Variants in MAPKAP1 observed in about 807,000 individuals in gnomAD.
MAPKAP1 encodes the protein MAPK associated protein 1, also known as target of rapamycin complex 2 subunit MAPKAP1.
Under a neutral mutation model 65.7 loss-of-function variants are expected in MAPKAP1, and 20 were observed. That is an observed-to-expected ratio of 0.30 (90% confidence interval 0.21 to 0.44). The LOEUF is 0.44. Among genes scored for constraint, MAPKAP1 ranks in the 20% least tolerant of loss-of-function variants. The pLI is 1.00. For missense variants in MAPKAP1, 423 were observed against 648.0 expected (o/e 0.65, Z 3.77); for synonymous variants, 222 against 244.3 (o/e 0.91, Z 0.85).
intron 4 of MAPKAP1, among the ~76,000 whole-genome samples, chr9:125,657,406 AAG>A (rs1284051645): frequency 6.6e-6 from 1 of 152,122 alleles, no homozygotes; most frequent in Non-Finnish European, 1.5e-5. Context: ...TACACAGAGA[AAG>A]AGAGAATGAA....
intron 5 of MAPKAP1, among the ~76,000 whole-genome samples, chr9:125,564,806 G>C (rs1366441203): frequency 5.3e-5 from 8 of 152,162 alleles, no homozygotes; most frequent in Non-Finnish European, 1.2e-4. Flanking sequence ...CACAGTAGCA[G>C]GGCAGACAGT....
chr9:125,512,595 CTTTT>C (rs1829334011), intron 7 of MAPKAP1, among the ~76,000 whole-genome samples: 2 of 149,446 alleles, frequency 1.3e-5, no homozygotes, highest in East Asian at 3.9e-4. Flanking sequence ...TTTTTTGTTT[CTTTT>C]GAGATGGAGT....
intron 5 of MAPKAP1, among the ~76,000 whole-genome samples, chr9:125,572,544 T>C (rs945647171): frequency 2.0e-5 from 3 of 152,232 alleles, no homozygotes; most frequent in Admixed American, 6.5e-5. Context: ...AATTCTAGCC[T>C]CATTAGTTGT....
intron 8 of MAPKAP1, among the ~76,000 whole-genome samples, chr9:125,505,241 C>T (rs952520030): frequency 3.3e-5 from 5 of 152,050 alleles, no homozygotes; most frequent in African/African-American, 9.7e-5. Flanking sequence ...ACCATAGAAA[C>T]GGTGAAACCC....
chr9:125,636,318 A>C (rs1392334345), intron 4 of MAPKAP1, among the ~76,000 whole-genome samples: 1 of 152,260 alleles, frequency 6.6e-6, no homozygotes, highest in Non-Finnish European at 1.5e-5. Flanking sequence ...GAAAAAAAAT[A>C]AAACTGAAAG....
intron 7 of MAPKAP1, among the ~76,000 whole-genome samples, chr9:125,534,755 C>T (rs182177349): frequency 9.7e-4 from 147 of 151,616 alleles, no homozygotes; most frequent in African/African-American, 3.5e-3. Flanking sequence ...TGACCTAGCC[C>T]CTGACGACCA....
chr9:125,501,588 T>C (rs1828983415), intron 8 of MAPKAP1, among the ~76,000 whole-genome samples: 1 of 152,184 alleles, frequency 6.6e-6, no homozygotes, highest in Admixed American at 6.5e-5. Flanking sequence ...GGATTGGAGT[T>C]ATTTTTTTCT....
intron 10 of MAPKAP1, among the ~76,000 whole-genome samples, chr9:125,458,737 C>T (rs1252595499): frequency 6.7e-6 from 1 of 149,388 alleles, no homozygotes. Context: ...TTGGGTACAC[C>T]TCCCAGATGG....
intron 4 of MAPKAP1, among the ~76,000 whole-genome samples, chr9:125,656,621 C>T (rs1483707142): frequency 2.0e-5 from 3 of 151,924 alleles, no homozygotes; most frequent in Non-Finnish European, 4.4e-5. Context: ...AGTGACAGAA[C>T]CAGCTCATGA....
At chr9:125,649,381 T>C (rs948312031) in intron 4 of MAPKAP1, among the ~76,000 whole-genome samples, 1 of 152,204 alleles carries the variant, frequency 6.6e-6, no homozygotes, top group Admixed American at 6.5e-5. Flanking sequence ...ACGTCTTAAA[T>C]GACACCTGGC....
intron 4 of MAPKAP1, among the ~76,000 whole-genome samples, chr9:125,651,498 G>A (rs912536874): frequency 2.0e-5 from 3 of 152,046 alleles, no homozygotes; most frequent in Admixed American, 6.5e-5. Context: ...CCAGCTACTC[G>A]GGAGGCTGAG....
chr9:125,563,190 C>A (rs1016657843), intron 5 of MAPKAP1, among the ~76,000 whole-genome samples: 1 of 152,102 alleles, frequency 6.6e-6, no homozygotes, highest in African/African-American at 2.4e-5. Context: ...AAATAAAAAA[C>A]TGGTGGACTT....
chr9:125,663,275 AC>A (rs1834241854), intron 3 of MAPKAP1, among the ~76,000 whole-genome samples: 1 of 152,208 alleles, frequency 6.6e-6, no homozygotes, highest in African/African-American at 2.4e-5. Context: ...TTTTTTGAAT[AC>A]ACCAGGCACG....
At chr9:125,491,209 T>G (rs969846696) in intron 8 of MAPKAP1, among the ~76,000 whole-genome samples, 1 of 150,240 alleles carries the variant, frequency 6.7e-6, no homozygotes, top group Non-Finnish European at 1.5e-5. Flanking sequence ...TTTGGGAGGC[T>G]GAGGTGGGTG....
intron 6 of MAPKAP1, among the ~76,000 whole-genome samples, chr9:125,552,390 G>A (rs1830610024): frequency 6.6e-6 from 1 of 152,080 alleles, no homozygotes; most frequent in Non-Finnish European, 1.5e-5. Context: ...TCCCTCCACA[G>A]AATAATTTTC....
intron 4 of MAPKAP1, among the ~76,000 whole-genome samples, chr9:125,626,751 T>TAA (rs1159738019): frequency 1.1e-3 from 164 of 152,354 alleles, no homozygotes; most frequent in African/African-American, 3.8e-3. Flanking sequence ...TAGATACATT[T>TAA]AATTCCATTT....
intron 5 of MAPKAP1, among the ~76,000 whole-genome samples, chr9:125,585,288 A>T (rs1395491346): frequency 1.3e-5 from 2 of 152,226 alleles, no homozygotes; most frequent in African/African-American, 4.8e-5. Flanking sequence ...GTTCCCTTCC[A>T]GGTTGCTTAT....
chr9:125,665,706 G>A (rs1390332655), intron 3 of MAPKAP1, among the ~76,000 whole-genome samples: 3 of 151,908 alleles, frequency 2.0e-5, no homozygotes, highest in African/African-American at 7.3e-5. Flanking sequence ...GAATTCCACA[G>A]GTGAGGCCTA....
At chr9:125,689,900 A>T (rs1004328534) in intron 1 of MAPKAP1, among the ~76,000 whole-genome samples, 1 of 152,168 alleles carries the variant, frequency 6.6e-6, no homozygotes, top group African/African-American at 2.4e-5. Flanking sequence ...CAGCCTGGCC[A>T]ACATGGTGAA....
Sources: gnomAD v4.1 joint callset for allele counts (sites outside exome capture counted in the v4.1 genomes callset) on GRCh38, gnomAD v4.1.1 for gene constraint, MANE v1.5 for transcripts, NCBI Gene and HGNC (gene_info 2026-07-23, HGNC 2026-07-21) for gene names.